CACUL1: variants seen among roughly 807,000 people sequenced by gnomAD.
CACUL1 encodes CDK2-associated and cullin domain-containing protein 1.
In CACUL1, 13 loss-of-function variants were observed where a neutral mutation model predicts 45.2. The ratio of observed to expected loss-of-function variants is 0.29; its 90% CI spans 0.19 to 0.46. The LOEUF is 0.46. CACUL1 is among the 20% of genes least tolerant of loss of function. The pLI is 1.00. For synonymous variants in CACUL1, 197 were observed against 174.2 expected (o/e 1.13, Z -1.03); for missense variants, 421 against 471.4 (o/e 0.89, Z 0.99).
chr10:118,733,198 A>T (rs1845712899), intron 1 of CACUL1, among the ~76,000 whole-genome samples: 1 of 152,258 alleles, frequency 6.6e-6, no homozygotes, highest in African/African-American at 2.4e-5. Flanking sequence ...CTGCAGTTCT[A>T]AGTACAGAAT....
chr10:118,701,662 G>C (rs538783143), intron 4 of CACUL1, among the ~76,000 whole-genome samples: 6 of 152,198 alleles, frequency 3.9e-5, no homozygotes, highest in East Asian at 1.9e-4. Flanking sequence ...AACTAGACAG[G>C]GATGTACAAA....
chr10:118,683,786 C>A lies in CACUL1; in HGVS notation c.*2342G>T, dbSNP rs1372956386. On this transcript the variant is annotated 3_prime_UTR_variant, in exon 9 of 9. Transcript: ENST00000369151. Reference sequence around the variant, plus strand: ...AGGAGGAGGAAATCTTATTTCCTCTCATACTGCAAACTCACTCAGAATTTT... The same window carrying A: ...AGGAGGAGGAAATCTTATTTCCTCTAATACTGCAAACTCACTCAGAATTTT... 1.3e-5 allele frequency: 2 copies of A among 152,142 alleles called. No individual in the cohort carries two copies. The highest frequency in any genetic ancestry group is 2.4e-5 in the African/African-American group (1 of 41,424). 9.4% of individuals were successfully genotyped at this position (152,142 alleles called of 1,614,324 possible). A position where few individuals can be genotyped will look rare whatever the true frequency, so the allele number is the denominator to read the frequency against.
At chr10:118,713,731 A>G (rs1048943571) in intron 3 of CACUL1, among the ~76,000 whole-genome samples, 26 of 152,344 alleles carry the variant, frequency 1.7e-4, no homozygotes, top group African/African-American at 5.8e-4. Flanking sequence ...TGCCTATACT[A>G]GAAAATAAAT....
rs1030211001 is a variant in CACUL1, at chr10:118,754,504, C to T, written c.259G>A (p.Val87Met). 9 of 1,613,280 alleles carry T rather than the reference C, an allele frequency of 5.6e-6. No individual in the cohort carries two copies. In the Admixed American group the frequency reaches 1.0e-4, roughly 18 times the overall value. ...GPQPPPEANG[V>M]IMMLKSCDAA... ...TCGCAGCTCTTCAACATCATGATCA[C>T]CCCATTAGCCTCCGGCGGTGGCTGC... is the stretch of plus-strand genomic sequence containing the variant. The change falls in exon 1 of 9, where the codon GTG becomes ATG. Residue 87 changes from valine to methionine, a missense_variant. Val to Met is a conservative substitution (Grantham distance 21, BLOSUM62 1). Transcript: ENST00000369151.
chr10:118,690,771 C>T (rs1208094035), intron 7 of CACUL1, among the ~76,000 whole-genome samples: 1 of 152,186 alleles, frequency 6.6e-6, no homozygotes, highest in African/African-American at 2.4e-5. Flanking sequence ...ATGGGCCGGG[C>T]ATGGTGGCTC....
At chr10:118,692,544 C>T (rs1845282444) in intron 6 of CACUL1, 1 of 152,142 alleles carries the variant, frequency 6.6e-6, no homozygotes, top group Non-Finnish European at 1.5e-5. Flanking sequence ...AGAATTAACA[C>T]CCACCTGTAT....
intron 1 of CACUL1, among the ~76,000 whole-genome samples, chr10:118,748,313 G>A (rs922953280): frequency 3.9e-5 from 6 of 152,150 alleles, no homozygotes; most frequent in Non-Finnish European, 8.8e-5. Context: ...ACAAAGAGCA[G>A]GCTTGCTCAC....
intron 5 of CACUL1, among the ~76,000 whole-genome samples, chr10:118,698,669 C>T (rs1415947510): frequency 6.6e-6 from 1 of 152,198 alleles, no homozygotes; most frequent in East Asian, 1.9e-4. Flanking sequence ...ATGAGTCACA[C>T]TGAAAGTGCC....
rs1291409400 is a variant in CACUL1, at chr10:118,677,119, A to G, written c.*9009T>C. ...TTTCATAAAATAATTGACCATGGAC[A>G]GCATGATTTCAAAAAGCCGCCTTTA... is the stretch of plus-strand genomic sequence containing the variant. On this transcript the variant is annotated 3_prime_UTR_variant, in exon 9 of 9. Coordinates refer to ENST00000369151, the MANE Select transcript of CACUL1 (RefSeq NM_153810.5). 1 of 152,214 alleles carries G rather than the reference A, an allele frequency of 6.6e-6. No homozygotes were observed. Among genetic ancestry groups the G allele is most frequent in the Non-Finnish European group, 1.5e-5 (1 of 68,034 alleles). 9.4% of individuals were successfully genotyped at this position (152,214 alleles called of 1,614,324 possible). A position where few individuals can be genotyped will look rare whatever the true frequency, so the allele number is the denominator to read the frequency against.
chr10:118,693,917 A>C (rs1441801666), intron 6 of CACUL1, among the ~76,000 whole-genome samples: 2 of 152,144 alleles, frequency 1.3e-5, no homozygotes, highest in African/African-American at 4.8e-5. Flanking sequence ...AAGTAGCCTA[A>C]GGGTTTTGTT....
At chr10:118,748,649 T>C (rs1475473057) in intron 1 of CACUL1, among the ~76,000 whole-genome samples, 1 of 152,186 alleles carries the variant, frequency 6.6e-6, no homozygotes, top group Non-Finnish European at 1.5e-5. Context: ...TTTTGGATTT[T>C]GAATTTTTGG....
chr10:118,699,345 T>C (rs1478667258), intron 5 of CACUL1, among the ~76,000 whole-genome samples: 7 of 152,230 alleles, frequency 4.6e-5, no homozygotes, highest in African/African-American at 1.7e-4. Context: ...CACCTTTAAG[T>C]GTAATTTTTA....
chr10:118,749,577 A>G (rs1845876219), intron 1 of CACUL1, among the ~76,000 whole-genome samples: 1 of 152,236 alleles, frequency 6.6e-6, no homozygotes, highest in African/African-American at 2.4e-5. Context: ...AAAGAAGAGG[A>G]TGAGTTCCAC....
At chr10:118,714,447 T>G (rs1171320295) in intron 3 of CACUL1, among the ~76,000 whole-genome samples, 1 of 152,248 alleles carries the variant, frequency 6.6e-6, no homozygotes, top group African/African-American at 2.4e-5. Flanking sequence ...AAGGTCACAG[T>G]GGTAGATATA....
chr10:118,725,907 C>A (rs1308595273), intron 3 of CACUL1, among the ~76,000 whole-genome samples: 1 of 152,116 alleles, frequency 6.6e-6, no homozygotes, highest in East Asian at 1.9e-4. Context: ...ACAGGATATG[C>A]CTTGGGATAA....
At chr10:118,709,932 G>T (rs767032171) in intron 3 of CACUL1, among the ~76,000 whole-genome samples, 1 of 151,632 alleles carries the variant, frequency 6.6e-6, no homozygotes, top group African/African-American at 2.4e-5. Context: ...TTTGAGAAAG[G>T]TCTTGCTCTG....
intron 7 of CACUL1, among the ~76,000 whole-genome samples, chr10:118,687,964 A>T (rs932789994): frequency 2.0e-5 from 3 of 152,254 alleles, no homozygotes; most frequent in African/African-American, 7.2e-5. Flanking sequence ...TTGAATTGAC[A>T]AAGTAGTAAC....
rs1296140410 is a variant in CACUL1 at position 118,739,048 on chromosome 10, T to C, written c.368-8638A>G. Among the ~76,000 whole-genome samples the C allele has an allele frequency of 2.0e-5, 3 of 151,248 alleles. No individual in the cohort carries two copies. In the East Asian group the frequency reaches 5.8e-4, roughly 29 times the overall value. Reference sequence around the variant, plus strand: ...GTCTGTACTAAAAATACAAAAAAAATAGCTGGGCATGGTGGCGGGCACCTG... The same window carrying C: ...GTCTGTACTAAAAATACAAAAAAAACAGCTGGGCATGGTGGCGGGCACCTG... On this transcript the variant is annotated intron_variant, in intron 1 of 8. Transcript: ENST00000369151.
chr10:118,751,173 T>C (rs1405683203), intron 1 of CACUL1, among the ~76,000 whole-genome samples: 1 of 152,244 alleles, frequency 6.6e-6, no homozygotes, highest in Non-Finnish European at 1.5e-5. Flanking sequence ...TCTAGTCAGA[T>C]CATCATCCCT....
Sources: allele counts gnomAD v4.1 joint callset (sites outside exome capture counted in the v4.1 genomes callset), GRCh38; gene constraint gnomAD v4.1.1; transcripts MANE v1.5; gene names NCBI Gene and HGNC (gene_info 2026-07-23, HGNC 2026-07-21).